DNAJC5: variants seen among roughly 807,000 people sequenced by gnomAD.
DNAJC5 encodes the protein DnaJ heat shock protein family (Hsp40) member C5.
Under a neutral mutation model 23.2 loss-of-function variants are expected in DNAJC5, and 1 was observed. That is an observed-to-expected ratio of 0.04 (90% CI 0.02 to 0.20). The LOEUF (loss-of-function observed/expected upper bound fraction) is 0.20, where lower values mean the gene tolerates loss of function less well. DNAJC5 is among the 10% of genes least tolerant of loss of function. The pLI, the probability that DNAJC5 is intolerant of heterozygous loss-of-function variation, is 1.00. For missense variants in DNAJC5, 180 were observed against 267.0 expected, an observed-to-expected ratio of 0.67 and a Z score of 2.27; for synonymous variants, 136 against 120.0, an observed-to-expected ratio of 1.13 and a Z score of -0.87.
chr20:63,935,938 T>G lies in DNAJC5; in HGVS notation c.*4370T>G, dbSNP rs1335559546. On this transcript the variant is annotated 3_prime_UTR_variant, in exon 5 of 5. Coordinates refer to ENST00000360864, the MANE Select transcript of DNAJC5 (RefSeq NM_025219.3). ...GAGCACACACATCTAAGGGCCAGGC[T>G]GGTTCCGCATGGTGATCTCCGTCTT... 1 of 152,208 alleles carries G rather than the reference T, an allele frequency of 6.6e-6. No homozygotes were observed. The highest frequency in any genetic ancestry group is 1.5e-5 in the Non-Finnish European group (1 of 68,042). 9.4% of individuals were successfully genotyped at this position (152,208 alleles called of 1,614,324 possible). A position where few individuals can be genotyped will look rare whatever the true frequency, so the allele number is the denominator to read the frequency against.
In DNAJC5 at chr20:63,930,583, G is replaced by A. The variant is rs538221681; in HGVS notation, c.322-268G>A. On this transcript the variant is annotated intron_variant, in intron 3 of 4. Coordinates refer to ENST00000360864, the MANE Select transcript of DNAJC5 (RefSeq NM_025219.3). Reference sequence around the variant, plus strand: ...AGGATGGTCTCGATCTCCTGACCTCGTGATCCGCCAGCCTCGGCCTCCTGG... The same window carrying A: ...AGGATGGTCTCGATCTCCTGACCTCATGATCCGCCAGCCTCGGCCTCCTGG... Among the ~76,000 whole-genome samples the A allele has an allele frequency of 1.1e-3, 161 of 152,334 alleles. 7 individuals carry two copies. In the South Asian group the frequency reaches 0.027, roughly 26 times the overall value.
At chr20:63,910,207 T>C (rs888387428) in intron 1 of DNAJC5, among the ~76,000 whole-genome samples, 2 of 152,164 alleles carry the variant, frequency 1.3e-5, no homozygotes, top group Non-Finnish European at 2.9e-5. Context: ...TGTGGCCTCA[T>C]TGGTGTCACC....
At chr20:63,925,888 T>C (rs1050755212) in intron 1 of DNAJC5, among the ~76,000 whole-genome samples, 17 of 147,748 alleles carry the variant, frequency 1.2e-4, no homozygotes, top group East Asian at 2.0e-4. Context: ...AGTGCAGTGG[T>C]GCGATCTCTG....
At chr20:63,914,399 C>A (rs2053502442) in intron 1 of DNAJC5, among the ~76,000 whole-genome samples, 1 of 151,884 alleles carries the variant, frequency 6.6e-6, no homozygotes, top group Non-Finnish European at 1.5e-5. Context: ...ACTGCAAGCT[C>A]CCCCTCCTGG....
At chr20:63,905,189 C>T (rs2053439876) in intron 1 of DNAJC5, among the ~76,000 whole-genome samples, 1 of 151,228 alleles carries the variant, frequency 6.6e-6, no homozygotes, top group South Asian at 2.1e-4. Context: ...GATCTCGGCT[C>T]ACTGCAACCT....
rs1387042189 is a variant in DNAJC5, at chr20:63,934,678, T to C, written c.*3110T>C. 1 of 152,292 alleles carries C rather than the reference T, an allele frequency of 6.6e-6. No individual in the cohort carries two copies. The highest frequency in any genetic ancestry group is 2.1e-4 in the South Asian group (1 of 4,836). 9.4% of individuals were successfully genotyped at this position (152,292 alleles called of 1,614,324 possible). ...ATTACTGCTCAGTGTTTGTGAACTTTCCTAGTTCTCTATGTTGTTAGTGCA... is the reference window on the plus strand; with the variant it reads ...ATTACTGCTCAGTGTTTGTGAACTTCCCTAGTTCTCTATGTTGTTAGTGCA... On this transcript the variant is annotated 3_prime_UTR_variant, in exon 5 of 5. Transcript: ENST00000360864.
At chr20:63,903,192 C>T (rs1343483940) in intron 1 of DNAJC5, among the ~76,000 whole-genome samples, 1 of 151,678 alleles carries the variant, frequency 6.6e-6, no homozygotes, top group Admixed American at 6.6e-5. Flanking sequence ...GGTTGGCCTT[C>T]CTGGGCTCGA....
chr20:63,923,257 C>G (rs2053586150), intron 1 of DNAJC5, among the ~76,000 whole-genome samples: 1 of 151,650 alleles, frequency 6.6e-6, no homozygotes, highest in Non-Finnish European at 1.5e-5. Flanking sequence ...GCCTGGGCAA[C>G]AAAGCCAGAC....
chr20:63,921,268 G>C lies in DNAJC5; in HGVS notation c.-11-7067G>C, dbSNP rs114838816. 3.0e-3 allele frequency among the ~76,000 whole-genome samples: 449 copies of C among 152,168 alleles called. 3 individuals are homozygous for C. The highest frequency in any genetic ancestry group is 0.01 in the African/African-American group (435 of 41,548). On this transcript the variant is annotated intron_variant, in intron 1 of 4. Transcript: ENST00000360864. ...GCCACCGTGCCCGGCCACCTTGTTT[G>C]CTTTTTAAAGATAATGATGTCACTA... is the stretch of plus-strand genomic sequence containing the variant.
intron 1 of DNAJC5, chr20:63,919,370 C>T (rs931452128): frequency 1.9e-5 from 10 of 517,230 alleles, no homozygotes; most frequent in African/African-American, 7.7e-5. Context: ...CCGACGTGTC[C>T]GGGGAGAGGA....
At chr20:63,904,309 T>C (rs916553806) in intron 1 of DNAJC5, among the ~76,000 whole-genome samples, 17 of 152,330 alleles carry the variant, frequency 1.1e-4, no homozygotes, top group Admixed American at 3.3e-4. Context: ...TCCCCAAAAT[T>C]ACCTCTTACG....
intron 1 of DNAJC5, among the ~76,000 whole-genome samples, chr20:63,907,884 G>A (rs1037463302): frequency 6.6e-6 from 1 of 152,168 alleles, no homozygotes; most frequent in Non-Finnish European, 1.5e-5. Flanking sequence ...TCCTGTCTCA[G>A]CTTCCCCAGT....
chr20:63,903,776 C>T (rs1424092480), intron 1 of DNAJC5, among the ~76,000 whole-genome samples: 15 of 152,062 alleles, frequency 9.9e-5, no homozygotes. Context: ...ATGGCGAAAC[C>T]ACGTCTCTAC....
In DNAJC5 at chr20:63,919,667, C is replaced by T. The variant is rs201085219; in HGVS notation, c.-11-8668C>T. On this transcript the variant is annotated intron_variant, in intron 1 of 4. Transcript: ENST00000360864. ...ACAGCGCCACGGAAGAGGACGCACC[C>T]GGCTGTGTGGACATGTGCCCAGGGC... 482 of 392,610 alleles carry T rather than the reference C, an allele frequency of 1.2e-3. 1 individual carries two copies. Among genetic ancestry groups the T allele is most frequent in the Non-Finnish European group, 1.8e-3 (379 of 209,672 alleles). 24.3% of individuals were successfully genotyped at this position (392,610 alleles called of 1,614,324 possible).
chr20:63,907,987 C>T (rs1055893776), intron 1 of DNAJC5, among the ~76,000 whole-genome samples: 6 of 152,134 alleles, frequency 3.9e-5, no homozygotes, highest in Admixed American at 2.0e-4. Context: ...AGGCTAGTCT[C>T]GAACTCCTGA....
rs938490432 is a variant in DNAJC5, at chr20:63,920,376, G to T, written c.-11-7959G>T. Among the ~76,000 whole-genome samples the T allele has an allele frequency of 6.6e-6, 1 of 152,248 alleles. No individual in the cohort carries two copies. Among genetic ancestry groups the T allele is most frequent in the East Asian group, 1.9e-4 (1 of 5,190 alleles). On this transcript the variant is annotated intron_variant, in intron 1 of 4. Coordinates refer to ENST00000360864, the MANE Select transcript of DNAJC5 (RefSeq NM_025219.3). This position sits in a 1 kb window ranked among gnomAD's most constrained non-coding sequence, Gnocchi z 4.6. ...CCGGGAAGTGTGGTGGGTGTGGTGG[G>T]GGAAGGGGCTGGCGTCAGCAGGGCT...
At chr20:63,919,484 G>A (rs777904690) in intron 1 of DNAJC5, 7 of 491,586 alleles carry the variant, frequency 1.4e-5, no homozygotes, top group Middle Eastern at 6.8e-4. Flanking sequence ...ACAGCGCCAC[G>A]GAAGAGGACG....
At chr20:63,909,741 T>G (rs1048474956) in intron 1 of DNAJC5, among the ~76,000 whole-genome samples, 3 of 152,356 alleles carry the variant, frequency 2.0e-5, no homozygotes, top group South Asian at 4.1e-4. Context: ...CTGAATCGAT[T>G]GCTGGTTTTA....
At chr20:63,914,717 A>T (rs2146284837) in intron 1 of DNAJC5, among the ~76,000 whole-genome samples, 1 of 150,984 alleles carries the variant, frequency 6.6e-6, no homozygotes, top group East Asian at 2.0e-4. Context: ...CCTAGTTCAA[A>T]CGATTCTTCT....
Sources: gnomAD v4.1 joint callset for allele counts (sites outside exome capture counted in the v4.1 genomes callset) on GRCh38, gnomAD v4.1.1 for gene constraint, Gnocchi (gnomAD v3.1) non-coding constraint, MANE v1.5 for transcripts, NCBI Gene and HGNC (gene_info 2026-07-23, HGNC 2026-07-21) for gene names.